Variants in CADM2 observed in about 807,000 individuals in gnomAD.
CADM2 encodes the protein cell adhesion molecule 2.
Under a neutral mutation model 49.8 loss-of-function variants are expected in CADM2, and 12 were observed. That is an observed-to-expected ratio of 0.24 (90% CI 0.15 to 0.39). CADM2 has a LOEUF of 0.39. Ranked by LOEUF, CADM2 falls within the 10% of genes least tolerant of loss-of-function variation. The pLI is 1.00. For synonymous variants in CADM2, 214 were observed against 175.4 expected, an observed-to-expected ratio of 1.22 and a Z score of -1.74; for missense variants, 378 against 492.3, an observed-to-expected ratio of 0.77 and a Z score of 2.20.
At position 86,067,110 on chromosome 3, in the gene CADM2, A is replaced by G. The variant is rs1023980765; in HGVS notation, c.*327A>G. On this transcript the variant is annotated 3_prime_UTR_variant, in exon 10 of 10. Coordinates refer to ENST00000383699, the MANE Select transcript of CADM2 (RefSeq NM_001167675.2). The stretch of plus-strand genomic sequence containing the variant: ...GTGGTTTTTATACATTAAAAAATGT[A>G]TGCAGAGTTTTTTTCCCCCATTTTT... 1.9e-5 allele frequency: 4 copies of G among 206,146 alleles called. No individual in the cohort carries two copies. The highest frequency in any genetic ancestry group is 1.1e-4 in the South Asian group (1 of 9,018). The allele number at this position is 206,146 out of a possible 1,614,324, so 12.8% of individuals were successfully genotyped here.
chr3:85,648,489 A>G (rs1191503192), intron 1 of CADM2, among the ~76,000 whole-genome samples: 1 of 151,976 alleles, frequency 6.6e-6, no homozygotes, highest in Non-Finnish European at 1.5e-5. Flanking sequence ...TATATGTTTA[A>G]CTGCAATGTG....
At chr3:85,869,710 G>C (rs2075848152) in intron 3 of CADM2, among the ~76,000 whole-genome samples, 1 of 152,052 alleles carries the variant, frequency 6.6e-6, no homozygotes, top group South Asian at 2.1e-4. Flanking sequence ...TCAGGCTGGA[G>C]TGCAGTGGCG....
intron 1 of CADM2, among the ~76,000 whole-genome samples, chr3:85,398,200 C>G (rs1465132897): frequency 1.3e-5 from 2 of 151,666 alleles, no homozygotes; most frequent in Non-Finnish European, 2.9e-5. Flanking sequence ...TGTTCCCCTT[C>G]CTGTGTCCAG....
At position 85,252,104 on chromosome 3, in the gene CADM2, A is replaced by T. The variant is rs540922696; in HGVS notation, c.61+292436A>T. Among the ~76,000 whole-genome samples the T allele has an allele frequency of 5.1e-4, 78 of 152,120 alleles. 1 individual carries two copies. The South Asian group carries it at 0.016, about 30-fold the overall frequency. ...AGTTTCAATCAGTCCATAATGAGAG[A>T]AGTAAGCAAATGTTATTCTGACTAT... On this transcript the variant is annotated intron_variant, in intron 1 of 9. Transcript: ENST00000383699.
chr3:85,859,534 T>G (rs550790965), intron 3 of CADM2, among the ~76,000 whole-genome samples: 1 of 152,210 alleles, frequency 6.6e-6, no homozygotes, highest in African/African-American at 2.4e-5. Context: ...GCCTGGCCCA[T>G]CCTGTGCTTT....
chr3:85,658,169 G>A (rs564286141), intron 1 of CADM2, among the ~76,000 whole-genome samples: 7 of 151,820 alleles, frequency 4.6e-5, no homozygotes, highest in Non-Finnish European at 1.0e-4. Context: ...AGTACAGTGG[G>A]CATCTAATTC....
intron 1 of CADM2, among the ~76,000 whole-genome samples, chr3:85,289,083 G>C (rs1576287952): frequency 6.6e-6 from 1 of 152,182 alleles, no homozygotes; most frequent in East Asian, 1.9e-4. Context: ...GCCTTGCTGA[G>C]TGAGTGACTC....
At chr3:85,954,335 G>C (rs1369769797) in intron 7 of CADM2, among the ~76,000 whole-genome samples, 10 of 150,822 alleles carry the variant, frequency 6.6e-5, no homozygotes, top group Non-Finnish European at 1.3e-4. Context: ...AAAACCCTTA[G>C]TGTAGTTTTA....
chr3:85,142,164 A>T (rs1236775083), intron 1 of CADM2, among the ~76,000 whole-genome samples: 1 of 152,208 alleles, frequency 6.6e-6, no homozygotes, highest in Non-Finnish European at 1.5e-5. Context: ...TTCTGCAACA[A>T]CATAAAACAA....
At chr3:85,530,883 C>T (rs931597427) in intron 1 of CADM2, among the ~76,000 whole-genome samples, 8 of 146,628 alleles carry the variant, frequency 5.5e-5, no homozygotes, top group Non-Finnish European at 1.1e-4. Context: ...CACACACACA[C>T]ACACACACAC....
At position 85,660,420 on chromosome 3, in the gene CADM2, A is replaced by G. The variant is rs759098889; in HGVS notation, c.62-66102A>G. On this transcript the variant is annotated intron_variant, in intron 1 of 9. Coordinates refer to ENST00000383699, the MANE Select transcript of CADM2 (RefSeq NM_001167675.2). Reference sequence around the variant, plus strand: ...TGCCATGTCCAGATCAAAGGAATTTATTAGGCTTTTCGCTCTCCTGTTTTT... The same window carrying G: ...TGCCATGTCCAGATCAAAGGAATTTGTTAGGCTTTTCGCTCTCCTGTTTTT... Among the ~76,000 whole-genome samples the G allele has an allele frequency of 4.0e-5, 6 of 148,578 alleles. No individual in the cohort carries two copies. In the East Asian group the frequency reaches 1.2e-3, roughly 30 times the overall value.
intron 3 of CADM2, among the ~76,000 whole-genome samples, chr3:85,850,750 A>G (rs1396355298): frequency 1.3e-5 from 2 of 152,176 alleles, no homozygotes; most frequent in East Asian, 3.9e-4. Context: ...TTACTGTTGC[A>G]TCTTCGAATG....
At chr3:85,687,955 A>G (rs937307050) in intron 1 of CADM2, among the ~76,000 whole-genome samples, 4 of 152,196 alleles carry the variant, frequency 2.6e-5, no homozygotes, top group Non-Finnish European at 4.4e-5. Flanking sequence ...CACAAGCCCT[A>G]TTGTGAACTG....
intron 1 of CADM2, among the ~76,000 whole-genome samples, chr3:85,353,397 T>A (rs2031542131): frequency 6.6e-6 from 1 of 152,144 alleles, no homozygotes; most frequent in Non-Finnish European, 1.5e-5. Context: ...TCTTGCCCCT[T>A]AAAATTTATA....
intron 1 of CADM2, among the ~76,000 whole-genome samples, chr3:85,639,996 A>AT (rs1236010067): frequency 4.6e-5 from 7 of 152,200 alleles, no homozygotes; most frequent in Admixed American, 1.3e-4. Flanking sequence ...ATTTATTACC[A>AT]TTTTTTTCCT....
intron 3 of CADM2, among the ~76,000 whole-genome samples, chr3:85,882,103 G>A (rs940753565): frequency 2.0e-5 from 3 of 151,976 alleles, no homozygotes; most frequent in Non-Finnish European, 4.4e-5. Context: ...TCTAGCTGAC[G>A]AAAAGAGGAT....
chr3:85,892,115 C>T (rs1235577603), intron 5 of CADM2, among the ~76,000 whole-genome samples: 1 of 152,144 alleles, frequency 6.6e-6, no homozygotes, highest in Non-Finnish European at 1.5e-5. Flanking sequence ...TGAAGACTAG[C>T]TTAGTACTTA....
chr3:86,017,313 C>A (rs1248081650), intron 8 of CADM2, among the ~76,000 whole-genome samples: 1 of 151,656 alleles, frequency 6.6e-6, no homozygotes, highest in Non-Finnish European at 1.5e-5. Context: ...GATGTTATTC[C>A]TAAGCTCCTA....
rs1163594639 is a variant in CADM2 at position 85,359,440 on chromosome 3, T to C, written c.62-367082T>C. On this transcript the variant is annotated intron_variant, in intron 1 of 9. Coordinates refer to ENST00000383699, the MANE Select transcript of CADM2 (RefSeq NM_001167675.2). The stretch of plus-strand genomic sequence containing the variant: ...GGAAATAAATTAAAATCAACATCTG[T>C]TGGAAATCAGGTATGGCAAGTTGTG... Among the ~76,000 whole-genome samples the C allele has an allele frequency of 3.3e-5, 5 of 151,156 alleles. No individual in the cohort carries two copies. The Admixed American group carries it at 3.3e-4, about 10-fold the overall frequency.
Sources: gnomAD v4.1 joint callset for allele counts (sites outside exome capture counted in the v4.1 genomes callset) on GRCh38, gnomAD v4.1.1 for gene constraint, MANE v1.5 for transcripts, NCBI Gene and HGNC (gene_info 2026-07-23, HGNC 2026-07-21) for gene names.